PCCA: variants seen among roughly 807,000 people sequenced by gnomAD.
PCCA encodes propionyl-CoA carboxylase subunit alpha.
Under a neutral mutation model 101.3 loss-of-function variants are expected in PCCA, and 74 were observed. The ratio of observed to expected loss-of-function variants is 0.73; its 90% confidence interval spans 0.61 to 0.89. PCCA has a LOEUF of 0.89. Ranked by LOEUF, PCCA falls within the 40% of genes least tolerant of loss-of-function variation. The probability of loss-of-function intolerance (pLI) is 0.00; values close to 1 mark genes in which losing one functional copy is unlikely to be tolerated. For synonymous variants in PCCA, 294 were observed against 313.6 expected, an observed-to-expected ratio of 0.94 and a Z score of 0.66; for missense variants, 891 against 907.0, an observed-to-expected ratio of 0.98 and a Z score of 0.23.
At chr13:100,456,609 C>T (rs901923910) in intron 21 of PCCA, among the ~76,000 whole-genome samples, 1 of 151,980 alleles carries the variant, frequency 6.6e-6, no homozygotes, top group African/African-American at 2.4e-5. Context: ...AAGCAAGTCA[C>T]GTGATCGTAG....
chr13:100,509,220 T>C (rs2086297491), intron 21 of PCCA, among the ~76,000 whole-genome samples: 1 of 152,236 alleles, frequency 6.6e-6, no homozygotes, highest in African/African-American at 2.4e-5. Context: ...ACCGTGACGC[T>C]GAGAACTGGA....
chr13:100,148,650 C>T (rs1041429549), intron 4 of PCCA, among the ~76,000 whole-genome samples: 1 of 151,862 alleles, frequency 6.6e-6, no homozygotes, highest in East Asian at 1.9e-4. Context: ...TTTACTGTAT[C>T]GTCAGGAATG....
At chr13:100,344,526 T>C (rs1214555315) in intron 18 of PCCA, among the ~76,000 whole-genome samples, 1 of 152,246 alleles carries the variant, frequency 6.6e-6, no homozygotes, top group Non-Finnish European at 1.5e-5. Context: ...ATTAGTTCCA[T>C]GATTTTTTTG....
chr13:100,253,748 T>C (rs2061896971), intron 8 of PCCA, among the ~76,000 whole-genome samples: 2 of 151,948 alleles, frequency 1.3e-5, no homozygotes, highest in Non-Finnish European at 2.9e-5. Flanking sequence ...TCAGTGTCAG[T>C]AGGGGAGTCA....
intron 4 of PCCA, chr13:100,150,894 G>A (rs185652866): frequency 7.7e-6 from 12 of 1,552,356 alleles, no homozygotes; most frequent in Admixed American, 5.0e-5. Flanking sequence ...CGGCCACCAC[G>A]GCAAACACGA....
At chr13:100,401,242 CTTGT>C (rs933280287) in intron 19 of PCCA, among the ~76,000 whole-genome samples, 14 of 151,424 alleles carry the variant, frequency 9.2e-5, no homozygotes, top group South Asian at 2.1e-4. Context: ...GTTGTTGTTG[CTTGT>C]TTGTTTGTTT....
chr13:100,316,004 T>G (rs1217311101), intron 16 of PCCA, among the ~76,000 whole-genome samples: 1 of 152,216 alleles, frequency 6.6e-6, no homozygotes, highest in Non-Finnish European at 1.5e-5. Context: ...TGATACTGTT[T>G]AGTGCTTCAG....
intron 7 of PCCA, among the ~76,000 whole-genome samples, chr13:100,235,192 T>C (rs1334963249): frequency 6.6e-6 from 1 of 151,982 alleles, no homozygotes; most frequent in Non-Finnish European, 1.5e-5. Flanking sequence ...TTTGGAGTTT[T>C]TTCCTCCAGT....
At chr13:100,333,202 A>G (rs1595399972) in intron 17 of PCCA, among the ~76,000 whole-genome samples, 3 of 152,128 alleles carry the variant, frequency 2.0e-5, no homozygotes, top group African/African-American at 7.2e-5. Flanking sequence ...TTTTCCCCCT[A>G]AATCAGGTCT....
At chr13:100,145,992 G>A (rs1205549289) in intron 4 of PCCA, among the ~76,000 whole-genome samples, 6 of 148,636 alleles carry the variant, frequency 4.0e-5, no homozygotes, top group Non-Finnish European at 7.4e-5. Context: ...GCTGGAGTGC[G>A]CTGGTGCAAT....
At chr13:100,259,803 T>G (rs1417511223) in intron 9 of PCCA, among the ~76,000 whole-genome samples, 1 of 152,196 alleles carries the variant, frequency 6.6e-6, no homozygotes, top group Non-Finnish European at 1.5e-5. Context: ...CTAAGACTTT[T>G]GGCATTGTGA....
chr13:100,444,374 T>G (rs2080611558), intron 20 of PCCA, among the ~76,000 whole-genome samples: 1 of 151,600 alleles, frequency 6.6e-6, no homozygotes, highest in Admixed American at 6.6e-5. Flanking sequence ...CGGCTAATTT[T>G]TATATTTTTA....
intron 16 of PCCA, among the ~76,000 whole-genome samples, chr13:100,328,513 A>G (rs919752191): frequency 6.6e-6 from 1 of 150,938 alleles, no homozygotes; most frequent in African/African-American, 2.4e-5. Flanking sequence ...ATTTTGATGA[A>G]GTACAGTTTG....
intron 21 of PCCA, among the ~76,000 whole-genome samples, chr13:100,476,721 C>T (rs937611713): frequency 6.6e-6 from 1 of 152,172 alleles, no homozygotes; most frequent in African/African-American, 2.4e-5. Context: ...TGGCAACCAG[C>T]TGGTGTACAC....
At chr13:100,264,615 A>C (rs1339954449) in intron 10 of PCCA, among the ~76,000 whole-genome samples, 2 of 152,094 alleles carry the variant, frequency 1.3e-5, no homozygotes, top group Non-Finnish European at 2.9e-5. Flanking sequence ...ACTCACCTGC[A>C]GTTTATCCAT....
intron 21 of PCCA, among the ~76,000 whole-genome samples, chr13:100,499,544 C>T (rs2085516760): frequency 1.3e-5 from 2 of 152,234 alleles, no homozygotes; most frequent in Admixed American, 1.3e-4. Context: ...TCAAGACAGA[C>T]TTTTATGTTG....
chr13:100,337,113 A>C (rs112126293), intron 17 of PCCA, among the ~76,000 whole-genome samples: 235 of 152,284 alleles, frequency 1.5e-3, no homozygotes, highest in African/African-American at 5.4e-3. Context: ...AGCTTTTAAA[A>C]TACTTACCGC....
intron 5 of PCCA, 91 bp downstream of exon 5, chr13:100,155,183 A>G: frequency 1.2e-6 from 1 of 854,998 alleles, no homozygotes; most frequent in South Asian, 1.4e-5. Flanking sequence ...ATAGGAAAGA[A>G]TGATTGAAAA....
intron 6 of PCCA, among the ~76,000 whole-genome samples, chr13:100,199,286 A>C (rs779657535): frequency 6.7e-6 from 1 of 150,288 alleles, no homozygotes; most frequent in Non-Finnish European, 1.5e-5. Context: ...TATAGTAATC[A>C]TTTTTTTTTG....
Sources: gnomAD v4.1 joint callset for allele counts (sites outside exome capture counted in the v4.1 genomes callset) on GRCh38, gnomAD v4.1.1 for gene constraint, MANE v1.5 for transcripts, NCBI Gene and HGNC (gene_info 2026-07-23, HGNC 2026-07-21) for gene names.